Variants in RNF217 observed in about 807,000 individuals in gnomAD.
RNF217 encodes the protein E3 ubiquitin-protein ligase RNF217.
A neutral mutation model predicts 57.8 loss-of-function variants in RNF217; 31 were observed. The ratio of observed to expected loss-of-function variants is 0.54; its 90% CI spans 0.40 to 0.72. The LOEUF (loss-of-function observed/expected upper bound fraction) is 0.72. Ranked by LOEUF, RNF217 falls within the 30% of genes least tolerant of loss-of-function variation. The pLI, the probability that RNF217 is intolerant of heterozygous loss-of-function variation, is 0.00. For missense variants in RNF217, 696 were observed against 708.3 expected, an observed-to-expected ratio of 0.98 and a Z score of 0.20; for synonymous variants, 313 against 294.0, an observed-to-expected ratio of 1.06 and a Z score of -0.66.
At chr6:125,063,074 A>C (rs1001271406) in intron 3 of RNF217, among the ~76,000 whole-genome samples, 3 of 152,196 alleles carry the variant, frequency 2.0e-5, no homozygotes, top group Non-Finnish European at 4.4e-5. Flanking sequence ...AGTTCGTAAT[A>C]GTTTTAATAT....
At chr6:125,025,586 G>GGGAT (rs1786045912) in intron 1 of RNF217, among the ~76,000 whole-genome samples, 1 of 148,634 alleles carries the variant, frequency 6.7e-6, no homozygotes, top group Non-Finnish European at 1.5e-5. Flanking sequence ...AAGGGAGGGA[G>GGGAT]GGAGGGAGGG....
chr6:125,014,322 C>G (rs532269603), intron 1 of RNF217, among the ~76,000 whole-genome samples: 1 of 152,308 alleles, frequency 6.6e-6, no homozygotes, highest in South Asian at 2.1e-4. Context: ...CCAGGCTGTA[C>G]TCTAAATGCC....
chr6:124,978,730 G>T lies in RNF217; in HGVS notation c.882+15304G>T, dbSNP rs146815714. The stretch of plus-strand genomic sequence containing the variant: ...TGCCTGCAGCTCAGTGAATGAGAGG[G>T]TTACAGCTCATTTGTTCTCACTGCC... On this transcript the variant is annotated intron_variant, in intron 1 of 5. Transcript: ENST00000521654. 1.7e-3 allele frequency among the ~76,000 whole-genome samples: 255 copies of T among 152,254 alleles called. 2 individuals are homozygous for T. Among genetic ancestry groups the T allele is most frequent in the African/African-American group, 5.8e-3 (241 of 41,542 alleles).
Position 125,085,363 on chromosome 6 carries a change from C to T in RNF217, c.*2426C>T, listed in dbSNP as rs1213118539. 6.6e-6 allele frequency: 1 copy of T among 151,824 alleles called. No homozygotes were observed. Among genetic ancestry groups the T allele is most frequent in the Non-Finnish European group, 1.5e-5 (1 of 67,824 alleles). 9.4% of individuals were successfully genotyped at this position (151,824 alleles called of 1,614,324 possible). On this transcript the variant is annotated 3_prime_UTR_variant, in exon 6 of 6. Transcript: ENST00000521654. ...TATTGAGTAGATATTTTTAAATTAA[C>T]ATACACATTTTTCTCTTTAAAGGGT...
rs184381523 is a variant in RNF217, at chr6:125,071,045, A to T, written c.1282-5612A>T. 2.8e-3 allele frequency among the ~76,000 whole-genome samples: 429 copies of T among 152,302 alleles called. 10 individuals are homozygous for T. The highest frequency in any genetic ancestry group is 0.019 in the Admixed American group (295 of 15,284). On this transcript the variant is annotated intron_variant, in intron 3 of 5. Transcript: ENST00000521654. Reference sequence around the variant, plus strand: ...TTATGATTAGGTAGAACCTTGTTTGAAAATAAAAGGCCACATTCCAGTTCT... The same window carrying T: ...TTATGATTAGGTAGAACCTTGTTTGTAAATAAAAGGCCACATTCCAGTTCT...
At chr6:125,039,338 CA>C (rs1786781642) in intron 1 of RNF217, among the ~76,000 whole-genome samples, 2 of 151,732 alleles carry the variant, frequency 1.3e-5, no homozygotes, top group Non-Finnish European at 2.9e-5. Flanking sequence ...CAACAAAGAT[CA>C]AAAAAGACAA....
intron 4 of RNF217, among the ~76,000 whole-genome samples, chr6:125,079,094 A>C (rs1322465158): frequency 6.6e-6 from 1 of 152,116 alleles, no homozygotes; most frequent in African/African-American, 2.4e-5. Flanking sequence ...TCACAGCTGA[A>C]GGGTGGGAAA....
chr6:124,977,032 T>C (rs1234722156), intron 1 of RNF217, among the ~76,000 whole-genome samples: 1 of 152,246 alleles, frequency 6.6e-6, no homozygotes, highest in Non-Finnish European at 1.5e-5. Flanking sequence ...AAACTGTTCA[T>C]ACATGCTTTT....
chr6:124,993,509 A>G (rs754714016), intron 1 of RNF217, among the ~76,000 whole-genome samples: 1 of 152,172 alleles, frequency 6.6e-6, no homozygotes, highest in Non-Finnish European at 1.5e-5. Context: ...TTGCGCAAAT[A>G]TTCACTGAGG....
chr6:125,018,251 T>C (rs1224418098), intron 1 of RNF217, among the ~76,000 whole-genome samples: 1 of 152,168 alleles, frequency 6.6e-6, no homozygotes, highest in African/African-American at 2.4e-5. Flanking sequence ...CCTTCCCCCT[T>C]TCATTTGAGG....
intron 1 of RNF217, among the ~76,000 whole-genome samples, chr6:124,982,302 A>C: frequency 6.6e-6 from 1 of 152,270 alleles, no homozygotes; most frequent in African/African-American, 2.4e-5. Context: ...GTTTGCAAGA[A>C]GTTTCTCTGT....
At chr6:124,998,078 T>A (rs1311108239) in intron 1 of RNF217, among the ~76,000 whole-genome samples, 1 of 152,182 alleles carries the variant, frequency 6.6e-6, no homozygotes, top group African/African-American at 2.4e-5. Flanking sequence ...ACTTTTAATA[T>A]TTCTTCCAGA....
rs1402999550 is a variant in RNF217 at position 124,963,319 on chromosome 6, A to G, written c.775A>G (p.Met259Val). The change falls in exon 1 of 6, where the codon ATG becomes GTG. Residue 259 changes from methionine to valine, a missense_variant. Physicochemically the swap from Met to Val is conservative, Grantham distance 21 (BLOSUM62 1). Coordinates refer to ENST00000521654, the MANE Select transcript of RNF217 (RefSeq NM_001286398.3). ...TGTAGGGGATCCCTATGTGCCCCTC[A>G]TGGTGCTGATGTGCCGGGTGTGCCT... ...GGVGDPYVPL[M>V]VLMCRVCLED... The G allele has an allele frequency of 2.5e-5, 38 of 1,535,268 alleles. 1 individual carries two copies. Among genetic ancestry groups the G allele is most frequent in the Non-Finnish European group, 1.7e-6 (2 of 1,146,600 alleles).
At chr6:125,034,068 T>G (rs1319112048) in intron 1 of RNF217, among the ~76,000 whole-genome samples, 2 of 152,054 alleles carry the variant, frequency 1.3e-5, no homozygotes, top group Non-Finnish European at 2.9e-5. Context: ...TAAATTTGTT[T>G]GAGTTCATTG....
rs1035668483 is a variant in RNF217, at chr6:125,087,251, A to G, written c.*4314A>G. 6.6e-6 allele frequency: 1 copy of G among 152,184 alleles called. No homozygotes were observed. Among genetic ancestry groups the G allele is most frequent in the African/African-American group, 2.4e-5 (1 of 41,462 alleles). 9.4% of individuals were successfully genotyped at this position (152,184 alleles called of 1,614,324 possible). On this transcript the variant is annotated 3_prime_UTR_variant, in exon 6 of 6. Transcript: ENST00000521654. ...AATTACAAAAAAGTTAGTGGCCTCTATAACCTTAATTGGCATACTTTACTA... is the reference window on the plus strand; with the variant it reads ...AATTACAAAAAAGTTAGTGGCCTCTGTAACCTTAATTGGCATACTTTACTA...
chr6:125,001,707 T>C lies in RNF217; in HGVS notation c.882+38281T>C, dbSNP rs559473687. Among the ~76,000 whole-genome samples, 54 of 152,342 alleles carry C rather than the reference T, an allele frequency of 3.5e-4. No individual in the cohort carries two copies. In the South Asian group the frequency reaches 0.011, roughly 32 times the overall value. ...GCAATTTTGAACAAAGTATAGGATT[T>C]CTCCCTTGTGTGATAGGAACACATT... On this transcript the variant is annotated intron_variant, in intron 1 of 5. Coordinates refer to ENST00000521654, the MANE Select transcript of RNF217 (RefSeq NM_001286398.3).
intron 2 of RNF217, among the ~76,000 whole-genome samples, chr6:125,049,328 T>C (rs960326800): frequency 6.6e-6 from 1 of 152,080 alleles, no homozygotes; most frequent in Non-Finnish European, 1.5e-5. Flanking sequence ...AGTTTCTCTT[T>C]CTAACTGGTC....
chr6:125,038,350 G>T (rs1786732760), intron 1 of RNF217, among the ~76,000 whole-genome samples: 1 of 152,104 alleles, frequency 6.6e-6, no homozygotes, highest in Non-Finnish European at 1.5e-5. Flanking sequence ...CTAAAAAATT[G>T]ACATTTTTGT....
At chr6:125,062,905 A>G (rs1404313311) in intron 3 of RNF217, among the ~76,000 whole-genome samples, 6 of 152,162 alleles carry the variant, frequency 3.9e-5, no homozygotes, top group African/African-American at 1.4e-4. Flanking sequence ...TCAGTCACTT[A>G]TGAAACACCA....
Sources: gnomAD v4.1 joint callset for allele counts (sites outside exome capture counted in the v4.1 genomes callset) on GRCh38, gnomAD v4.1.1 for gene constraint, MANE v1.5 for transcripts, NCBI Gene and HGNC (gene_info 2026-07-23, HGNC 2026-07-21) for gene names.